The following SPATS2L variants were observed in gnomAD, a reference collection of about 807,000 sequenced individuals.
SPATS2L encodes SPATS2-like protein.
Under a neutral mutation model 59.6 loss-of-function variants are expected in SPATS2L, and 30 were observed. The ratio of observed to expected loss-of-function variants is 0.50; its 90% CI spans 0.38 to 0.68. SPATS2L has a LOEUF of 0.68. SPATS2L is among the 30% of genes least tolerant of loss of function. The pLI is 0.00. For synonymous variants in SPATS2L, 252 were observed against 263.5 expected (o/e 0.96, Z 0.42); for missense variants, 615 against 700.0 (o/e 0.88, Z 1.37).
chr2:200,428,434 C>A (rs2083713404), intron 6 of SPATS2L, among the ~76,000 whole-genome samples: 1 of 152,198 alleles, frequency 6.6e-6, no homozygotes, highest in African/African-American at 2.4e-5. Context: ...CCTCTCTGTT[C>A]CCTTTGGAGG....
chr2:200,391,181 C>A (rs2082162411), intron 3 of SPATS2L, among the ~76,000 whole-genome samples: 1 of 151,996 alleles, frequency 6.6e-6, no homozygotes, highest in Non-Finnish European at 1.5e-5. Context: ...AAACAAAAAA[C>A]CCACAGTAGA....
intron 1 of SPATS2L, among the ~76,000 whole-genome samples, chr2:200,313,121 A>G (rs754550253): frequency 6.6e-6 from 1 of 152,312 alleles, no homozygotes; most frequent in Admixed American, 6.5e-5. Flanking sequence ...CCACCCTGTG[A>G]GGTAACACAT....
At chr2:200,311,935 A>G (rs1346243323) in intron 1 of SPATS2L, among the ~76,000 whole-genome samples, 2 of 152,172 alleles carry the variant, frequency 1.3e-5, no homozygotes, top group Non-Finnish European at 2.9e-5. Flanking sequence ...GGATGGGGGA[A>G]GGGTGCTGTG....
chr2:200,395,041 CTTCTTTTCTAAATAATGTATTT>C (rs1446175826), intron 3 of SPATS2L, among the ~76,000 whole-genome samples: 1 of 152,106 alleles, frequency 6.6e-6, no homozygotes, highest in Non-Finnish European at 1.5e-5. Flanking sequence ...TTTTTAATAG[CTTCTTTTCTAAATAATGTATTT>C]TTAAAGAAAT....
At chr2:200,404,226 G>A (rs1245576068) in intron 3 of SPATS2L, among the ~76,000 whole-genome samples, 2 of 152,214 alleles carry the variant, frequency 1.3e-5, no homozygotes, top group Admixed American at 6.5e-5. Context: ...ACAGATTGGA[G>A]AGAGGAGAAA....
At chr2:200,396,022 A>AT (rs1275307177) in intron 3 of SPATS2L, among the ~76,000 whole-genome samples, 7 of 46,286 alleles carry the variant, frequency 1.5e-4, no homozygotes, top group African/African-American at 4.0e-4. Flanking sequence ...AAAAAAAAAA[A>AT]AAAAAAAAAA....
intron 7 of SPATS2L, 36 bp from the exon 8 acceptor site, chr2:200,440,613 G>C (rs778134482): frequency 1.9e-6 from 3 of 1,595,740 alleles, no homozygotes; most frequent in Non-Finnish European, 2.6e-6. Context: ...AGGATTAAAT[G>C]CTCAAGTTAA....
At chr2:200,370,677 GTTGATATTGATAACCT>G (rs772550911) in intron 2 of SPATS2L, among the ~76,000 whole-genome samples, 2 of 152,268 alleles carry the variant, frequency 1.3e-5, no homozygotes, top group Middle Eastern at 3.4e-3. Context: ...ATTCTGTGTA[GTTGATATTGATAACCT>G]TTTATCTCCA....
intron 8 of SPATS2L, among the ~76,000 whole-genome samples, chr2:200,445,969 AAATAAAAACT>A (rs2085012454): frequency 6.6e-6 from 1 of 152,224 alleles, no homozygotes; most frequent in Non-Finnish European, 1.5e-5. Flanking sequence ...TGTACACTAT[AAATAAAAACT>A]CTTAGAGCTT....
At chr2:200,351,497 A>G (rs1421320703) in intron 2 of SPATS2L, among the ~76,000 whole-genome samples, 2 of 152,192 alleles carry the variant, frequency 1.3e-5, no homozygotes, top group African/African-American at 4.8e-5. Flanking sequence ...AAATAAATAT[A>G]TTACCTTGTC....
intron 1 of SPATS2L, among the ~76,000 whole-genome samples, chr2:200,314,994 AC>A (rs1312317627): frequency 6.6e-6 from 1 of 152,250 alleles, no homozygotes; most frequent in African/African-American, 2.4e-5. Context: ...AGTGGACGTT[AC>A]CATGCGACAT....
chr2:200,456,444 C>T (rs1268675729), intron 8 of SPATS2L, among the ~76,000 whole-genome samples: 1 of 152,212 alleles, frequency 6.6e-6, no homozygotes, highest in African/African-American at 2.4e-5. Flanking sequence ...ACCCTCTTCC[C>T]TCCTGTTGCT....
chr2:200,461,510 A>G (rs1011883696), intron 9 of SPATS2L, among the ~76,000 whole-genome samples: 1 of 152,188 alleles, frequency 6.6e-6, no homozygotes, highest in Non-Finnish European at 1.5e-5. Flanking sequence ...CCACAAGTGA[A>G]TGTGTGAGGC....
intron 2 of SPATS2L, among the ~76,000 whole-genome samples, chr2:200,361,813 C>A (rs2081115513): frequency 6.6e-6 from 1 of 152,170 alleles, no homozygotes. Context: ...TATTTATCCC[C>A]AGTATTCAGC....
rs186371745 is a variant in SPATS2L, at chr2:200,430,778, C to T, written c.446-8344C>T. Among the ~76,000 whole-genome samples, 462 of 142,632 alleles carry T rather than the reference C, an allele frequency of 3.2e-3. 2 individuals carry two copies. The highest frequency in any genetic ancestry group is 0.011 in the African/African-American group (426 of 38,006). 93.6% of individuals were successfully genotyped at this position (142,632 alleles called of 152,430 possible). A position where few individuals can be genotyped will look rare whatever the true frequency, so the allele number is the denominator to read the frequency against. On this transcript the variant is annotated intron_variant, in intron 6 of 12. Coordinates refer to ENST00000409140, the MANE Select transcript of SPATS2L (RefSeq NM_001100423.2). Reference sequence around the variant, plus strand: ...TGTCACCCAGGCTAGAGTGCAGTGACATGATCTTGGCTCACCACAACCTCT... The same window carrying T: ...TGTCACCCAGGCTAGAGTGCAGTGATATGATCTTGGCTCACCACAACCTCT...
chr2:200,440,337 T>C (rs972975348), intron 7 of SPATS2L, among the ~76,000 whole-genome samples: 1 of 152,186 alleles, frequency 6.6e-6, no homozygotes, highest in African/African-American at 2.4e-5. Flanking sequence ...GCACAAATGG[T>C]CTTTAGACGT....
chr2:200,376,638 G>A (rs1206051934), intron 2 of SPATS2L, among the ~76,000 whole-genome samples: 1 of 152,238 alleles, frequency 6.6e-6, no homozygotes, highest in Non-Finnish European at 1.5e-5. Flanking sequence ...CTACAAGGCA[G>A]GAAATCGTGA....
At chr2:200,414,777 T>G (rs1404351902) in intron 4 of SPATS2L, among the ~76,000 whole-genome samples, 1 of 152,224 alleles carries the variant, frequency 6.6e-6, no homozygotes, top group Non-Finnish European at 1.5e-5. Context: ...AATTTAATAA[T>G]AACAGTTTCA....
At chr2:200,342,604 A>C (rs2080369090) in intron 2 of SPATS2L, among the ~76,000 whole-genome samples, 1 of 152,246 alleles carries the variant, frequency 6.6e-6, no homozygotes, top group African/African-American at 2.4e-5. Flanking sequence ...GGAAGTGGAG[A>C]GCCAAAGGTC....
Sources: gnomAD v4.1 joint callset for allele counts (sites outside exome capture counted in the v4.1 genomes callset) on GRCh38, gnomAD v4.1.1 for gene constraint, MANE v1.5 for transcripts, NCBI Gene and HGNC (gene_info 2026-07-23, HGNC 2026-07-21) for gene names.